EZH2: variants seen among roughly 807,000 people sequenced by gnomAD.
EZH2 encodes the protein enhancer of zeste 2 polycomb repressive complex 2 subunit.
In EZH2, 18 loss-of-function variants were observed where a neutral mutation model predicts 98.4. The ratio of observed to expected loss-of-function variants is 0.18; its 90% CI spans 0.13 to 0.27. EZH2 has a LOEUF of 0.27. Ranked by LOEUF, EZH2 falls within the 10% of genes least tolerant of loss-of-function variation. The pLI, the probability that EZH2 is intolerant of heterozygous loss-of-function variation, is 1.00. For synonymous variants in EZH2, 338 were observed against 312.3 expected (o/e 1.08, Z -0.87); for missense variants, 470 against 935.1 (o/e 0.50, Z 6.49).
At chr7:148,809,662 CAAAA>C (rs5888341) in intron 17 of EZH2, among the ~76,000 whole-genome samples, 2 of 142,396 alleles carry the variant, frequency 1.4e-5, no homozygotes, top group African/African-American at 2.6e-5. Flanking sequence ...CAAAACATAG[CAAAA>C]AAAAAAAAAA....
rs112135646 is a variant in EZH2, at chr7:148,814,999, A to G, written c.1587T>C (p.Asp529=). ...AACTGTCACAAGGCTGCCGTGGATG[A>G]TCACAGGGTTGATAGTTGTAAACAT... ...SNHVYNYQPC[D]HPRQPCDSSC... The change falls in exon 14 of 20, where the codon GAT becomes GAC. Residue 529 remains aspartate (D), a synonymous_variant. Transcript: ENST00000320356. 1 of 1,614,144 alleles carries G rather than the reference A, an allele frequency of 6.2e-7. No individual in the cohort carries two copies. Among genetic ancestry groups the G allele is most frequent in the South Asian group, 1.1e-5 (1 of 91,080 alleles).
At chr7:148,859,393 C>T (rs1475499440) in intron 1 of EZH2, among the ~76,000 whole-genome samples, 1 of 151,988 alleles carries the variant, frequency 6.6e-6, no homozygotes, top group Non-Finnish European at 1.5e-5. Context: ...GTAGTCCCGG[C>T]TACTAAGGAG....
intron 6 of EZH2, among the ~76,000 whole-genome samples, chr7:148,828,282 T>C (rs1236465150): frequency 6.6e-6 from 1 of 152,196 alleles, no homozygotes; most frequent in Non-Finnish European, 1.5e-5. Flanking sequence ...TTACGTTCTT[T>C]GCTAGCCAAA....
intron 3 of EZH2, among the ~76,000 whole-genome samples, chr7:148,842,248 C>T (rs1181968838): frequency 6.6e-6 from 1 of 152,146 alleles, no homozygotes; most frequent in African/African-American, 2.4e-5. Context: ...TCAGTCATAA[C>T]ACATACAGTA....
chr7:148,845,018 C>CA (rs1813626202), intron 3 of EZH2, among the ~76,000 whole-genome samples: 1 of 151,782 alleles, frequency 6.6e-6, no homozygotes, highest in Non-Finnish European at 1.5e-5. Context: ...GTAATGTGTA[C>CA]AAAGTACCTA....
intron 1 of EZH2, among the ~76,000 whole-genome samples, chr7:148,866,876 G>GT (rs1818627455): frequency 6.7e-6 from 1 of 149,102 alleles, no homozygotes; most frequent in Non-Finnish European, 1.5e-5. Context: ...CAACGCACCC[G>GT]GCTAATTTTT....
At chr7:148,845,362 G>T (rs1813723647) in intron 3 of EZH2, among the ~76,000 whole-genome samples, 1 of 152,158 alleles carries the variant, frequency 6.6e-6, no homozygotes, top group Non-Finnish European at 1.5e-5. Flanking sequence ...GCCTGTACCA[G>T]ATGAGGAGGA....
At chr7:148,811,493 T>C (rs2129468933) in intron 16 of EZH2, 132 bp downstream of exon 16, 2 of 685,208 alleles carry the variant, frequency 2.9e-6, no homozygotes, top group East Asian at 2.8e-5. Flanking sequence ...CATGCAGAAG[T>C]CCAGGCTGAA....
At chr7:148,863,024 C>A (rs1450214678) in intron 1 of EZH2, among the ~76,000 whole-genome samples, 2 of 148,362 alleles carry the variant, frequency 1.3e-5, no homozygotes, top group Admixed American at 1.4e-4. Flanking sequence ...GCAGAGGTTG[C>A]AGTGGGCCAA....
Position 148,814,154 on chromosome 7 carries a change from G to T in EZH2, c.1673-17C>A. ...GGTTTTGACCTTCAGAGAGAGGTTT[G>T]GAGGTTCTTCACTCATCACCGTATG... is the stretch of plus-strand genomic sequence containing the variant. On this transcript the variant is annotated splice_polypyrimidine_tract_variant and intron_variant, in intron 14 of 19. Coordinates refer to ENST00000320356, the MANE Select transcript of EZH2 (RefSeq NM_004456.5). 6.2e-7 allele frequency: 1 copy of T among 1,611,200 alleles called. No homozygotes were observed. Among genetic ancestry groups the T allele is most frequent in the South Asian group, 1.1e-5 (1 of 90,772 alleles).
chr7:148,837,314 G>A (rs1811153520), intron 3 of EZH2, among the ~76,000 whole-genome samples: 1 of 152,194 alleles, frequency 6.6e-6, no homozygotes, highest in Admixed American at 6.5e-5. Context: ...TGTTGACATT[G>A]TCTAACATCC....
At chr7:148,852,808 T>G (rs901127961) in intron 1 of EZH2, among the ~76,000 whole-genome samples, 6 of 152,214 alleles carry the variant, frequency 3.9e-5, no homozygotes, top group Admixed American at 1.3e-4. Context: ...CATCTTTTTT[T>G]TCTTAATACA....
At chr7:148,854,046 G>A (rs979770403) in intron 1 of EZH2, among the ~76,000 whole-genome samples, 1 of 152,188 alleles carries the variant, frequency 6.6e-6, no homozygotes, top group African/African-American at 2.4e-5. Context: ...ACTTGTGAGA[G>A]GTATTTACCT....
In EZH2 at chr7:148,866,504, ATATACATATATAT is replaced by A. The variant is rs1818473607; in HGVS notation, c.-8+17647_-8+17659del. Among the ~76,000 whole-genome samples the A allele has an allele frequency of 2.1e-5, 2 of 96,904 alleles. 1 individual carries two copies. The highest frequency in any genetic ancestry group is 4.3e-5 in the Non-Finnish European group (2 of 46,628). The allele number at this position is 96,904 out of a possible 152,430, so 63.6% of individuals were successfully genotyped here. A position where few individuals can be genotyped will look rare whatever the true frequency, so the allele number is the denominator to read the frequency against. On this transcript the variant is annotated intron_variant, in intron 1 of 19. Coordinates refer to ENST00000320356, the MANE Select transcript of EZH2 (RefSeq NM_004456.5). ...AAAACTGTGAAAAATATATATACGT[ATATACATATATAT>A]GTGTATATACATATATATACGTATA...
At chr7:148,825,276 T>C (rs1417889932) in intron 8 of EZH2, among the ~76,000 whole-genome samples, 2 of 152,198 alleles carry the variant, frequency 1.3e-5, no homozygotes, top group Non-Finnish European at 2.9e-5. Context: ...GGCTTAACTG[T>C]CCAATGGCTG....
intron 1 of EZH2, among the ~76,000 whole-genome samples, chr7:148,870,620 T>G (rs550094557): frequency 1.5e-4 from 22 of 151,586 alleles, no homozygotes; most frequent in African/African-American, 5.3e-4. Flanking sequence ...GAGGATCACT[T>G]GAGCCCAGGA....
intron 4 of EZH2, among the ~76,000 whole-genome samples, chr7:148,830,477 T>C (rs993219603): frequency 2.0e-5 from 3 of 152,308 alleles, no homozygotes; most frequent in African/African-American, 7.2e-5. Flanking sequence ...AGCCATTAAC[T>C]TGTAATAGTT....
chr7:148,851,280 C>T (rs1489725543), intron 1 of EZH2, among the ~76,000 whole-genome samples: 4 of 152,142 alleles, frequency 2.6e-5, no homozygotes, highest in African/African-American at 9.7e-5. Context: ...TCAGTTGTCC[C>T]TACTACCAGT....
intron 15 of EZH2, among the ~76,000 whole-genome samples, chr7:148,812,591 T>C (rs1022507581): frequency 1.3e-5 from 2 of 152,214 alleles, no homozygotes; most frequent in Non-Finnish European, 2.9e-5. Flanking sequence ...GGTATCTACA[T>C]AGTTTAACAT....
Sources: gnomAD v4.1 joint callset for allele counts (sites outside exome capture counted in the v4.1 genomes callset) on GRCh38, gnomAD v4.1.1 for gene constraint, MANE v1.5 for transcripts, NCBI Gene and HGNC (gene_info 2026-07-23, HGNC 2026-07-21) for gene names.